SRGAP2: variants seen among roughly 807,000 people sequenced by gnomAD.
SRGAP2 encodes the protein SLIT-ROBO Rho GTPase-activating protein 2.
SRGAP2 carries 15 observed loss-of-function variants against 57.2 expected under a neutral mutation model. The observed-to-expected ratio is 0.26, with a 90% CI of 0.18 to 0.40. The LOEUF is 0.40. Among genes scored for constraint, SRGAP2 ranks in the 10% least tolerant of loss-of-function variants. SRGAP2 has a pLI of 1.00. For missense variants in SRGAP2, 520 were observed against 669.6 expected (o/e 0.78, Z 2.47); for synonymous variants, 249 against 248.0 (o/e 1.00, Z -0.04).
At chr1:206,460,922 T>C (rs1420436714) in intron 22 of SRGAP2, 115 bp from the exon 23 acceptor site, 1 of 563,582 alleles carries the variant, frequency 1.8e-6, no homozygotes, top group African/African-American at 1.9e-5. Context: ...CCAAGTACAA[T>C]AATCTGGACA....
chr1:206,339,072 T>G (rs1674977656), intron 3 of SRGAP2, among the ~76,000 whole-genome samples: 1 of 151,936 alleles, frequency 6.6e-6, no homozygotes, highest in Non-Finnish European at 1.5e-5. Context: ...TTAGCATAGA[T>G]AAGTTATTGT....
At chr1:206,267,615 A>G (rs1489024494) in intron 2 of SRGAP2, among the ~76,000 whole-genome samples, 1 of 152,156 alleles carries the variant, frequency 6.6e-6, no homozygotes, top group African/African-American at 2.4e-5. Context: ...ATGAGGTAAC[A>G]TAACAAAATA....
At chr1:206,259,275 C>A (rs1238219999) in intron 2 of SRGAP2, among the ~76,000 whole-genome samples, 1 of 149,958 alleles carries the variant, frequency 6.7e-6, no homozygotes, top group Non-Finnish European at 1.5e-5. Flanking sequence ...TTCCCAGACT[C>A]TCTGCTAAGG....
intron 4 of SRGAP2, among the ~76,000 whole-genome samples, chr1:206,377,410 A>G (rs1655305371): frequency 2.0e-5 from 3 of 151,270 alleles, no homozygotes; most frequent in Admixed American, 1.3e-4. Context: ...TGAAATATCC[A>G]TTAGTAACTT....
intron 18 of SRGAP2, 81 bp from the exon 19 acceptor site, chr1:206,450,305 G>A (rs1031182472): frequency 2.6e-5 from 19 of 736,744 alleles, no homozygotes; most frequent in African/African-American, 6.9e-5. Flanking sequence ...GTGCCCTCGC[G>A]CCAGGGAGGC....
chr1:206,419,253 C>T, intron 11 of SRGAP2, 120 bp from the exon 12 acceptor site: 1 of 699,482 alleles, frequency 1.4e-6, no homozygotes, highest in Non-Finnish European at 2.7e-6. Flanking sequence ...TCTCTTTTGC[C>T]ACACACTGTT....
chr1:206,248,038 C>G (rs1668604548), intron 2 of SRGAP2, among the ~76,000 whole-genome samples: 1 of 150,224 alleles, frequency 6.7e-6, no homozygotes, highest in South Asian at 2.2e-4. Flanking sequence ...GAATTGTTAC[C>G]TTTCTCAGAG....
chr1:206,332,509 T>C (rs1341550447), intron 3 of SRGAP2, among the ~76,000 whole-genome samples: 2 of 150,676 alleles, frequency 1.3e-5, no homozygotes, highest in Admixed American at 6.6e-5. Flanking sequence ...TGCTCATTTC[T>C]TTTTATTCTT....
chr1:206,455,094 C>T (rs1663711750), intron 21 of SRGAP2, 70 bp downstream of exon 21: 2 of 776,470 alleles, frequency 2.6e-6, no homozygotes, highest in Admixed American at 1.7e-5. Context: ...TCTGGCCTAA[C>T]CCCCATCTCC....
At chr1:206,448,110 CCCTT>C (rs1259438642) in intron 18 of SRGAP2, among the ~76,000 whole-genome samples, 3 of 152,144 alleles carry the variant, frequency 2.0e-5, no homozygotes, top group African/African-American at 7.2e-5. Flanking sequence ...CCTCTCCTCT[CCCTT>C]CTTTGGGAAG....
intron 2 of SRGAP2, among the ~76,000 whole-genome samples, chr1:206,228,791 G>C (rs868968062): frequency 2.7e-5 from 4 of 150,348 alleles, no homozygotes; most frequent in Admixed American, 2.6e-4. Flanking sequence ...ACATATGTAT[G>C]CTGGTTCCCT....
chr1:206,445,942 C>T, intron 17 of SRGAP2, 133 bp from the exon 18 acceptor site: 1 of 639,902 alleles, frequency 1.6e-6, no homozygotes, highest in Non-Finnish European at 2.9e-6. Flanking sequence ...TCTGGAAAGT[C>T]TCTGACACCC....
intron 5 of SRGAP2, among the ~76,000 whole-genome samples, chr1:206,390,039 T>C (rs1482049226): frequency 6.9e-6 from 1 of 144,794 alleles, no homozygotes; most frequent in African/African-American, 2.5e-5. Context: ...CTATCTTGAC[T>C]ATAAATATAT....
intron 3 of SRGAP2, among the ~76,000 whole-genome samples, chr1:206,307,649 C>T (rs1275033001): frequency 1.3e-5 from 2 of 152,214 alleles, no homozygotes; most frequent in East Asian, 1.9e-4. Flanking sequence ...GCCGATGGGC[C>T]GGCACTGCTG....
chr1:206,289,296 G>A (rs1273646578), intron 2 of SRGAP2, among the ~76,000 whole-genome samples: 8 of 139,158 alleles, frequency 5.7e-5, no homozygotes, highest in Non-Finnish European at 1.1e-4. Flanking sequence ...TTTTTGAGAC[G>A]GAGTCTCGCT....
At chr1:206,383,599 T>C (rs1227494912) in intron 4 of SRGAP2, among the ~76,000 whole-genome samples, 1 of 151,948 alleles carries the variant, frequency 6.6e-6, no homozygotes, top group Non-Finnish European at 1.5e-5. Flanking sequence ...TAAATGTTTA[T>C]ATACTTTTTC....
chr1:206,268,082 T>TA (rs1491431949), intron 2 of SRGAP2, among the ~76,000 whole-genome samples: 10,901 of 130,106 alleles, frequency 0.084, 758 homozygotes, highest in African/African-American at 0.24. Flanking sequence ...TATATATATA[T>TA]TTTTTTTTTT....
chr1:206,284,675 C>T (rs1257675324), intron 2 of SRGAP2, among the ~76,000 whole-genome samples: 2 of 152,152 alleles, frequency 1.3e-5, no homozygotes, highest in East Asian at 3.8e-4. Flanking sequence ...TCTGGAACTC[C>T]TGACTTCAAG....
intron 11 of SRGAP2, among the ~76,000 whole-genome samples, chr1:206,418,687 G>T (rs577437123): frequency 6.6e-6 from 1 of 152,186 alleles, no homozygotes; most frequent in East Asian, 1.9e-4. Context: ...AGCTAGCAAT[G>T]ACCCATTAAA....
Sources: gnomAD v4.1 joint callset for allele counts (sites outside exome capture counted in the v4.1 genomes callset) on GRCh38, gnomAD v4.1.1 for gene constraint, MANE v1.5 for transcripts, NCBI Gene and HGNC (gene_info 2026-07-23, HGNC 2026-07-21) for gene names.